Variants in TMEM63C observed in about 807,000 individuals in gnomAD.
TMEM63C encodes transmembrane protein 63C.
A neutral mutation model predicts 99.2 loss-of-function variants in TMEM63C; 32 were observed. The observed-to-expected ratio is 0.32, with a 90% CI of 0.24 to 0.43. The LOEUF (loss-of-function observed/expected upper bound fraction) is 0.43, where lower values mean the gene tolerates loss of function less well. TMEM63C is among the 20% of genes least tolerant of loss of function. The pLI is 1.00. For synonymous variants in TMEM63C, 376 were observed against 397.9 expected (o/e 0.94, Z 0.66); for missense variants, 826 against 1,053.0 (o/e 0.78, Z 2.98).
chr14:77,201,981 C>T (rs1449177653), intron 1 of TMEM63C, among the ~76,000 whole-genome samples: 1 of 152,196 alleles, frequency 6.6e-6, no homozygotes, highest in Non-Finnish European at 1.5e-5. Context: ...CAGGACGCTG[C>T]TCCCACCTGC....
chr14:77,216,252 C>G (rs1274713426), intron 2 of TMEM63C, among the ~76,000 whole-genome samples: 1 of 152,146 alleles, frequency 6.6e-6, no homozygotes, highest in Non-Finnish European at 1.5e-5. Context: ...ACCACCCTCT[C>G]CTGCTTTTCC....
chr14:77,229,632 A>ATATAT (rs59641845), intron 6 of TMEM63C, among the ~76,000 whole-genome samples: 3 of 144,132 alleles, frequency 2.1e-5, no homozygotes, highest in East Asian at 2.2e-4. Context: ...ATATATATAT[A>ATATAT]GTAGAGATGG....
At chr14:77,252,541 C>T (rs1292619480) in intron 22 of TMEM63C, among the ~76,000 whole-genome samples, 1 of 152,230 alleles carries the variant, frequency 6.6e-6, no homozygotes, top group Non-Finnish European at 1.5e-5. Flanking sequence ...TGGATCACAA[C>T]ATAATTTTTC....
chr14:77,222,481 A>G (rs780934662), intron 5 of TMEM63C, among the ~76,000 whole-genome samples: 1 of 152,154 alleles, frequency 6.6e-6, no homozygotes, highest in East Asian at 1.9e-4. Flanking sequence ...GCATCCAGAG[A>G]GATTCCCCTG....
chr14:77,211,074 G>A (rs1287684554), intron 1 of TMEM63C, among the ~76,000 whole-genome samples: 1 of 152,230 alleles, frequency 6.6e-6, no homozygotes, highest in Non-Finnish European at 1.5e-5. Context: ...TGCAGATCCA[G>A]CCTGGGTTCC....
At chr14:77,197,486 A>T (rs1057442296) in intron 1 of TMEM63C, among the ~76,000 whole-genome samples, 2 of 152,230 alleles carry the variant, frequency 1.3e-5, no homozygotes, top group Non-Finnish European at 2.9e-5. Context: ...TGTTATCTCT[A>T]TGAACTTCTG....
In TMEM63C at chr14:77,242,365, G is replaced by A. The variant is rs761971296; in HGVS notation, c.1083G>A (p.Lys361=). 1.2e-6 allele frequency: 2 copies of A among 1,607,352 alleles called. No homozygotes were observed. Among genetic ancestry groups the A allele is most frequent in the Admixed American group, 1.7e-5 (1 of 59,478 alleles). ...RMAKRVRKDY[K]YVQCGVQPQQ... ...TCTGCAGTGTCCGTAAGGATTACAA[G>A]TATGTCCAGTGTGGTGTGCAACCCC... is the stretch of plus-strand genomic sequence containing the variant. Residue 361 remains lysine, a synonymous_variant, in exon 14 of 24, where the codon AAG becomes AAA. Transcript: ENST00000298351.
intron 23 of TMEM63C, among the ~76,000 whole-genome samples, chr14:77,254,099 G>A (rs1178560835): frequency 6.6e-6 from 1 of 152,192 alleles, no homozygotes; most frequent in African/African-American, 2.4e-5. Context: ...CATTGAATCT[G>A]ACCCCAGGAA....
rs377334617 is a variant in TMEM63C at position 77,244,341 on chromosome 14, C to G, written c.1342-8C>G. On this transcript the variant is annotated splice_region_variant and splice_polypyrimidine_tract_variant and intron_variant, in intron 15 of 23. Transcript: ENST00000298351. ...TCTCTCCTGCCGTCCTCCCCTCTCC[C>G]CCTGCAGAACCCAATTGTGACCCAG... 1.9e-4 allele frequency: 298 copies of G among 1,608,596 alleles called. No individual in the cohort carries two copies. Among genetic ancestry groups the G allele is most frequent in the Non-Finnish European group, 2.3e-4 (271 of 1,175,272 alleles).
In TMEM63C at chr14:77,242,898, C is replaced by G; in HGVS notation, c.1188-5C>G. 6.2e-7 allele frequency: 1 copy of G among 1,614,032 alleles called. No homozygotes were observed. Among genetic ancestry groups the G allele is most frequent in the Middle Eastern group, 1.6e-4 (1 of 6,062 alleles). ...AATGTGCCTCCTTCTTCCATCCTTC[C>G]CCAGGAAACACCTGTCTGTCCGCCG... is the stretch of plus-strand genomic sequence containing the variant. On this transcript the variant is annotated splice_polypyrimidine_tract_variant and splice_region_variant and intron_variant, in intron 14 of 23. Coordinates refer to ENST00000298351, the MANE Select transcript of TMEM63C (RefSeq NM_020431.4).
At chr14:77,239,777 G>T in intron 12 of TMEM63C, 51 bp downstream of exon 12, 1 of 1,594,720 alleles carries the variant, frequency 6.3e-7, no homozygotes, top group Non-Finnish European at 8.5e-7. Flanking sequence ...GGGGTCCTGG[G>T]GCTCTAGGCT....
At chr14:77,183,982 C>T (rs1217626997) in intron 1 of TMEM63C, among the ~76,000 whole-genome samples, 1 of 152,248 alleles carries the variant, frequency 6.6e-6, no homozygotes, top group African/African-American at 2.4e-5. Flanking sequence ...GAGCAGAGAG[C>T]TGGACCGAGT....
At chr14:77,223,111 T>G (rs1482404943) in intron 5 of TMEM63C, among the ~76,000 whole-genome samples, 3 of 152,206 alleles carry the variant, frequency 2.0e-5, no homozygotes, top group Non-Finnish European at 4.4e-5. Context: ...ACAAGTGACT[T>G]CATCTCTTGA....
At position 77,246,004 on chromosome 14, in the gene TMEM63C, C is replaced by G. The variant is rs758483728; in HGVS notation, c.1513C>G (p.Leu505Val). The G allele has an allele frequency of 6.2e-7, 1 of 1,613,826 alleles. No homozygotes were observed. The highest frequency in any genetic ancestry group is 8.5e-7 in the Non-Finnish European group (1 of 1,179,716). ...CTTTCTGGTGTTCATGGTAGTCATT[C>G]TGCCCTCTATGGGACTGACCAGGTA... is the stretch of plus-strand genomic sequence containing the variant. ...YIFLVFMVVI[L>V]PSMGLTSLDV... Residue 505 changes from leucine (L) to valine (V), a missense_variant, in exon 17 of 24, where the codon CTG becomes GTG. Transcript: ENST00000298351.
At chr14:77,246,047 C>G (rs2140129299) in intron 17 of TMEM63C, 21 bp downstream of exon 17, 1 of 1,575,536 alleles carries the variant, frequency 6.3e-7, no homozygotes, top group Non-Finnish European at 8.7e-7. Context: ...TCCAATTATC[C>G]CTTCCTTCTT....
At position 77,219,547 on chromosome 14, in the gene TMEM63C, G is replaced by T; in HGVS notation, c.200G>T (p.Gly67Val). 1 of 1,613,970 alleles carries T rather than the reference G, an allele frequency of 6.2e-7. No individual in the cohort carries two copies. The highest frequency in any genetic ancestry group is 8.5e-7 in the Non-Finnish European group (1 of 1,179,900). Residue 67 changes from glycine to valine, a missense_variant, in exon 4 of 24, where the codon GGG becomes GTG. Coordinates refer to ENST00000298351, the MANE Select transcript of TMEM63C (RefSeq NM_020431.4). ...SFLRKAAWDYGRLALLIHNDS... is the reference protein window; with the variant it reads ...SFLRKAAWDYVRLALLIHNDS... ...CTCCGGAAAGCTGCGTGGGACTATG[G>T]GCGCCTGGCTCTGCTGATACACAAT...
At chr14:77,223,739 C>T (rs138576652) in intron 5 of TMEM63C, among the ~76,000 whole-genome samples, 25 of 152,286 alleles carry the variant, frequency 1.6e-4, no homozygotes, top group African/African-American at 5.5e-4. Context: ...ATGACCTCTG[C>T]CCTTTCCTGG....
intron 1 of TMEM63C, among the ~76,000 whole-genome samples, chr14:77,204,009 G>A (rs1175768276): frequency 1.3e-5 from 2 of 152,244 alleles, no homozygotes; most frequent in Admixed American, 1.3e-4. Flanking sequence ...AAGCAGTCAG[G>A]GGAGAGGCTG....
chr14:77,251,837 C>T lies in TMEM63C; in HGVS notation c.2087C>T (p.Ala696Val). The T allele has an allele frequency of 6.2e-7, 1 of 1,614,026 alleles. No individual in the cohort carries two copies. Among genetic ancestry groups the T allele is most frequent in the East Asian group, 2.2e-5 (1 of 44,882 alleles). ...TTTTCCCTGTCCACCCTCCTCATTG[C>T]CATGGTGATTGCCTTTGTTGGCATT... ...TIFSLSTLLI[A>V]MVIAFVGIFL... Residue 696 changes from alanine to valine, a missense_variant, in exon 22 of 24, where the codon GCC (alanine) becomes GTC (valine). Transcript: ENST00000298351.
Sources: allele counts gnomAD v4.1 joint callset (sites outside exome capture counted in the v4.1 genomes callset), GRCh38; gene constraint gnomAD v4.1.1; transcripts MANE v1.5; gene names NCBI Gene and HGNC (gene_info 2026-07-23, HGNC 2026-07-21).